LRGUK: variants seen among roughly 807,000 people sequenced by gnomAD.
LRGUK encodes leucine-rich repeat and guanylate kinase domain-containing protein.
LRGUK carries 65 observed loss-of-function variants against 76.0 expected under a neutral mutation model. That is an observed-to-expected ratio of 0.85 (90% confidence interval 0.70 to 1.05). The LOEUF is 1.05. Among genes scored for constraint, LRGUK ranks in the 50% least tolerant of loss-of-function variants. The pLI is 0.00. For synonymous variants in LRGUK, 268 were observed against 265.6 expected, an observed-to-expected ratio of 1.01 and a Z score of -0.09; for missense variants, 758 against 732.8, an observed-to-expected ratio of 1.03 and a Z score of -0.40.
rs1801192231 is a variant in LRGUK at position 134,210,187 on chromosome 7, T to TGGTG, written c.3324_3325insGGTG (p.Gln1109GlyfsTer?). On this transcript the variant is annotated frameshift_variant, in exon 16 of 16. Coordinates refer to ENST00000645682, the Ensembl canonical transcript of LRGUK. LOFTEE classifies it low-confidence loss of function (END_TRUNC). ...CAGCCTTGCAGCTAGAACCCCACGA[T>TGGTG]CAGCCAGCTCCCACCATGGTGCCCG... 2.5e-6 allele frequency: 1 copy of TGGTG among 399,184 alleles called. No individual in the cohort carries two copies. The highest frequency in any genetic ancestry group is 4.4e-6 in the Non-Finnish European group (1 of 226,380). 24.7% of individuals were successfully genotyped at this position (399,184 alleles called of 1,614,324 possible).
At chr7:134,153,953 A>G (rs370917774) in intron 5 of LRGUK, among the ~76,000 whole-genome samples, 1 of 152,236 alleles carries the variant, frequency 6.6e-6, no homozygotes, top group African/African-American at 2.4e-5. Context: ...AAGAGCAAAT[A>G]CTGAACTAGT....
chr7:134,226,243 TG>T lies in LRGUK; in HGVS notation c.1983+4326del, dbSNP rs879529442. On this transcript the variant is annotated intron_variant, in intron 16 of 19. Transcript: ENST00000285928. ...ATGTGTGTGTGTGTGTGTGTGTGTG[TG>T]TGTGTGTGTGTGTGTGTTTCTGGTT... Among the ~76,000 whole-genome samples the T allele has an allele frequency of 2.6e-3, 400 of 151,734 alleles. 1 individual carries two copies. Among genetic ancestry groups the T allele is most frequent in the Admixed American group, 4.4e-3 (67 of 15,214 alleles).
chr7:134,215,779 G>T (rs926488474), intron 15 of LRGUK, among the ~76,000 whole-genome samples: 2 of 152,068 alleles, frequency 1.3e-5, no homozygotes, highest in Non-Finnish European at 2.9e-5. Context: ...ATTTAATTGC[G>T]TAGTCCAATT....
At chr7:134,152,091 C>T (rs1286594748) in intron 5 of LRGUK, among the ~76,000 whole-genome samples, 1 of 151,934 alleles carries the variant, frequency 6.6e-6, no homozygotes, top group Non-Finnish European at 1.5e-5. Flanking sequence ...GTAAGGAGAA[C>T]ATAAAAGTCA....
chr7:134,178,702 A>G, intron 10 of LRGUK, 93 bp downstream of exon 10: 1 of 871,514 alleles, frequency 1.1e-6, no homozygotes, highest in Non-Finnish European at 1.7e-6. Flanking sequence ...TGACCCCTTT[A>G]TTTCCTATAA....
intron 19 of LRGUK, among the ~76,000 whole-genome samples, chr7:134,263,403 C>CTGTGTGTGTGTGTCTG (rs1554479224): frequency 7.0e-6 from 1 of 142,178 alleles, no homozygotes; most frequent in African/African-American, 2.9e-5. Flanking sequence ...CTTCACTTCA[C>CTGTGTGTGTGTGTCTG]TGTGTGTGTG....
At position 134,215,935 on chromosome 7, in the gene LRGUK, A is replaced by T. The variant is rs576479866; in HGVS notation, c.1844-5844A>T. 2.1e-4 allele frequency among the ~76,000 whole-genome samples: 32 copies of T among 152,348 alleles called. 1 individual carries two copies. The highest frequency in any genetic ancestry group is 7.5e-4 in the African/African-American group (31 of 41,574). ...CTCTAATCTTAAAACTGATTATGAG[A>T]GTGCAGTCATGATTTGCAAAAGCTG... On this transcript the variant is annotated intron_variant, in intron 15 of 19. Transcript: ENST00000285928.
intron 4 of LRGUK, among the ~76,000 whole-genome samples, chr7:134,147,064 A>G (rs561459146): frequency 1.5e-4 from 23 of 152,170 alleles, no homozygotes; most frequent in Non-Finnish European, 3.4e-4. Context: ...GCTTTCCTAC[A>G]GTAGTCAATT....
chr7:134,246,654 A>G (rs1025286535), intron 16 of LRGUK, among the ~76,000 whole-genome samples: 1 of 152,212 alleles, frequency 6.6e-6, no homozygotes, highest in Non-Finnish European at 1.5e-5. Flanking sequence ...GTAATGACAT[A>G]AAAATCAAAA....
intron 16 of LRGUK, among the ~76,000 whole-genome samples, chr7:134,241,060 A>AC (rs1399701980): frequency 2.0e-5 from 3 of 152,286 alleles, no homozygotes; most frequent in Non-Finnish European, 2.9e-5. Flanking sequence ...GAAGCACTAA[A>AC]ATGGAAAGGA....
intron 18 of LRGUK, 41 bp from the exon 19 acceptor site, chr7:134,258,216 G>A: frequency 6.2e-7 from 1 of 1,612,618 alleles, no homozygotes; most frequent in East Asian, 2.2e-5. Flanking sequence ...GTAGCGAATA[G>A]TTTGGATCTC....
intron 11 of LRGUK, 119 bp from the exon 12 acceptor site, chr7:134,191,536 C>A: frequency 1.4e-6 from 1 of 729,082 alleles, no homozygotes. Flanking sequence ...AACTGTATTA[C>A]TTTATGATTT....
intron 14 of LRGUK, among the ~76,000 whole-genome samples, chr7:134,201,071 C>A (rs1335614836): frequency 6.6e-6 from 1 of 152,168 alleles, no homozygotes; most frequent in Non-Finnish European, 1.5e-5. Flanking sequence ...ACCAGCACAT[C>A]GAATCCTCCT....
intron 5 of LRGUK, among the ~76,000 whole-genome samples, chr7:134,152,338 G>A (rs28830254): frequency 0.13 from 19,683 of 151,858 alleles, 1,615 homozygotes; most frequent in East Asian, 0.32. Context: ...GGGATAGGGG[G>A]ACTAACAAAA....
intron 3 of LRGUK, among the ~76,000 whole-genome samples, chr7:134,141,052 G>A (rs1797745115): frequency 6.6e-6 from 1 of 152,120 alleles, no homozygotes; most frequent in African/African-American, 2.4e-5. Flanking sequence ...CGGAGTGGTG[G>A]GGGCCTTGCC....
chr7:134,257,318 G>C (rs1030242520), intron 18 of LRGUK, among the ~76,000 whole-genome samples: 4 of 152,166 alleles, frequency 2.6e-5, no homozygotes, highest in South Asian at 2.1e-4. Flanking sequence ...GAGGCACAGT[G>C]GTAGAAGTGC....
intron 7 of LRGUK, among the ~76,000 whole-genome samples, chr7:134,165,667 T>C (rs914042666): frequency 6.6e-6 from 1 of 152,230 alleles, no homozygotes; most frequent in African/African-American, 2.4e-5. Flanking sequence ...CCTTCTGTTG[T>C]TTCATACTAA....
chr7:134,155,520 A>AT (rs1324903939), intron 5 of LRGUK, among the ~76,000 whole-genome samples: 14 of 152,186 alleles, frequency 9.2e-5, no homozygotes, highest in Non-Finnish European at 1.6e-4. Context: ...TACATTTTAC[A>AT]TTTTTGTCTA....
At chr7:134,166,630 G>T (rs949396390) in intron 7 of LRGUK, among the ~76,000 whole-genome samples, 1 of 152,138 alleles carries the variant, frequency 6.6e-6, no homozygotes, top group African/African-American at 2.4e-5. Context: ...TAATAACAGT[G>T]CTCCTCCCAG....
Sources: gnomAD v4.1 joint callset for allele counts (sites outside exome capture counted in the v4.1 genomes callset) on GRCh38, gnomAD v4.1.1 for gene constraint, MANE v1.5 for transcripts, NCBI Gene and HGNC (gene_info 2026-07-23, HGNC 2026-07-21) for gene names.